TANGO6: variants seen among roughly 807,000 people sequenced by gnomAD.
TANGO6 encodes the protein transport and Golgi organization protein 6 homolog.
A neutral mutation model predicts 114.2 loss-of-function variants in TANGO6; 90 were observed. That is an observed-to-expected ratio of 0.79 (90% CI 0.66 to 0.94). TANGO6 has a LOEUF of 0.94. Among genes scored for constraint, TANGO6 ranks in the 40% least tolerant of loss-of-function variants. TANGO6 has a pLI of 0.00. For synonymous variants in TANGO6, 477 were observed against 509.8 expected, an observed-to-expected ratio of 0.94 and a Z score of 0.87; for missense variants, 1,274 against 1,315.3, an observed-to-expected ratio of 0.97 and a Z score of 0.49.
chr16:68,867,677 T>G (rs2152162303), intron 4 of TANGO6: 1 of 152,424 alleles, frequency 6.6e-6, no homozygotes, highest in East Asian at 2.0e-4. Flanking sequence ...CCGTCTCTAC[T>G]AAAATACAAA....
intron 7 of TANGO6, among the ~76,000 whole-genome samples, chr16:68,884,358 T>C (rs974279768): frequency 2.6e-5 from 4 of 152,196 alleles, no homozygotes; most frequent in African/African-American, 9.7e-5. Flanking sequence ...ATGGTGACTA[T>C]GTGAATATAA....
At position 69,079,092 on chromosome 16, in the gene TANGO6, A is replaced by G. The variant is rs189559438; in HGVS notation, c.3109-4393A>G. 5.2e-3 allele frequency among the ~76,000 whole-genome samples: 783 copies of G among 151,446 alleles called. 45 individuals carry two copies. The highest frequency in any genetic ancestry group is 0.045 in the Admixed American group (678 of 15,200). ...TGTAATCCCAGCACTTTGGGAGGCCAAGGTGGGCGGATCACCTGAGGTCAG... is the reference window on the plus strand; with the variant it reads ...TGTAATCCCAGCACTTTGGGAGGCCGAGGTGGGCGGATCACCTGAGGTCAG... On this transcript the variant is annotated intron_variant, in intron 17 of 17. Transcript: ENST00000261778.
In TANGO6 at chr16:69,008,373, C is replaced by T. The variant is rs373869375; in HGVS notation, c.2843-14455C>T. 3.2e-4 allele frequency among the ~76,000 whole-genome samples: 48 copies of T among 152,288 alleles called. No homozygotes were observed. The South Asian group carries it at 9.7e-3, about 31-fold the overall frequency. Reference sequence around the variant, plus strand: ...TCATATGTAAGAAGGCTTTGTCTAACTTAAAGTCACAAAGATTTACTCCTG... The same window carrying T: ...TCATATGTAAGAAGGCTTTGTCTAATTTAAAGTCACAAAGATTTACTCCTG... On this transcript the variant is annotated intron_variant, in intron 15 of 17. Transcript: ENST00000261778.
chr16:69,073,125 T>C (rs1411990136), intron 17 of TANGO6, among the ~76,000 whole-genome samples: 5 of 152,130 alleles, frequency 3.3e-5, no homozygotes, highest in South Asian at 4.2e-4. Flanking sequence ...CTATAATCCA[T>C]TGGAGAGAGT....
intron 16 of TANGO6, among the ~76,000 whole-genome samples, chr16:69,029,316 G>A (rs1959555722): frequency 6.6e-6 from 1 of 152,180 alleles, no homozygotes; most frequent in Non-Finnish European, 1.5e-5. Context: ...TTGAGCAAAT[G>A]ACTTTGGGCT....
chr16:68,891,818 G>A (rs781150171), intron 7 of TANGO6, among the ~76,000 whole-genome samples: 15 of 150,054 alleles, frequency 1.0e-4, no homozygotes, highest in Non-Finnish European at 1.9e-4. Flanking sequence ...AGGGAAGGAC[G>A]GAGGGGAGGA....
At chr16:68,882,922 G>A (rs565016542) in intron 7 of TANGO6, among the ~76,000 whole-genome samples, 7 of 152,130 alleles carry the variant, frequency 4.6e-5, no homozygotes, top group Non-Finnish European at 1.0e-4. Flanking sequence ...GGAGGCTGAG[G>A]CAGGAGAATC....
chr16:68,911,605 C>T (rs1165916730), intron 11 of TANGO6, among the ~76,000 whole-genome samples: 5 of 152,050 alleles, frequency 3.3e-5, no homozygotes, highest in East Asian at 1.9e-4. Flanking sequence ...TTAGTAGAGA[C>T]GGGGTTTCGC....
At chr16:69,030,698 G>A (rs564969092) in intron 16 of TANGO6, among the ~76,000 whole-genome samples, 2 of 152,088 alleles carry the variant, frequency 1.3e-5, no homozygotes, top group South Asian at 4.2e-4. Flanking sequence ...CCTACCATGG[G>A]TGCTGACACA....
intron 16 of TANGO6, among the ~76,000 whole-genome samples, chr16:69,028,274 T>A (rs1260982233): frequency 6.6e-6 from 1 of 152,198 alleles, no homozygotes; most frequent in East Asian, 1.9e-4. Context: ...CAAATATTAT[T>A]ATTTTTAAAT....
At chr16:68,882,380 C>A (rs1962475088) in intron 7 of TANGO6, among the ~76,000 whole-genome samples, 1 of 151,844 alleles carries the variant, frequency 6.6e-6, no homozygotes, top group Non-Finnish European at 1.5e-5. Context: ...ACCTGTAGTC[C>A]CAGCTACTCG....
At chr16:68,970,909 G>A (rs1325258887) in intron 14 of TANGO6, among the ~76,000 whole-genome samples, 1 of 152,118 alleles carries the variant, frequency 6.6e-6, no homozygotes, top group Non-Finnish European at 1.5e-5. Flanking sequence ...TGTAATCCCA[G>A]CACTTTGGGA....
At chr16:68,895,241 C>G (rs993563381) in intron 7 of TANGO6, among the ~76,000 whole-genome samples, 1 of 152,036 alleles carries the variant, frequency 6.6e-6, no homozygotes, top group Admixed American at 6.6e-5. Flanking sequence ...CTCAGCTACT[C>G]GGGAGGCTGA....
At chr16:69,050,233 A>T (rs1193727364) in intron 17 of TANGO6, among the ~76,000 whole-genome samples, 1 of 152,136 alleles carries the variant, frequency 6.6e-6, no homozygotes, top group Non-Finnish European at 1.5e-5. Context: ...ATCCTCACGA[A>T]CACTTGTTAT....
chr16:68,961,950 C>T lies in TANGO6; in HGVS notation c.2702-12078C>T, dbSNP rs754316926. Among the ~76,000 whole-genome samples, 8 of 152,150 alleles carry T rather than the reference C, an allele frequency of 5.3e-5. No individual in the cohort carries two copies. In the East Asian group the frequency reaches 7.7e-4, roughly 15 times the overall value. ...TAGCAGGATGCTTCGGTAGCTCTTT[C>T]GTCTAACCCTGTTTTTTCCTCAGGC... On this transcript the variant is annotated intron_variant, in intron 14 of 17. Coordinates refer to ENST00000261778, the MANE Select transcript of TANGO6 (RefSeq NM_024562.2).
intron 14 of TANGO6, among the ~76,000 whole-genome samples, chr16:68,933,004 G>A (rs1329269869): frequency 1.3e-5 from 2 of 152,170 alleles, no homozygotes; most frequent in South Asian, 2.1e-4. Context: ...ATATTTTAGT[G>A]TTGTTATCAT....
intron 17 of TANGO6, among the ~76,000 whole-genome samples, chr16:69,068,581 C>G (rs901386061): frequency 6.6e-6 from 1 of 152,196 alleles, no homozygotes; most frequent in African/African-American, 2.4e-5. Context: ...ATGTTAGGCT[C>G]TCTTCCAGGC....
chr16:68,992,159 A>G (rs1038178627), intron 15 of TANGO6, among the ~76,000 whole-genome samples: 3 of 152,234 alleles, frequency 2.0e-5, no homozygotes, highest in African/African-American at 7.2e-5. Flanking sequence ...TTAGTCTTCT[A>G]GTAGGGTTGC....
At chr16:69,043,283 A>AGTGTGT (rs57443398) in intron 17 of TANGO6, among the ~76,000 whole-genome samples, 1,694 of 146,740 alleles carry the variant, frequency 0.012, 18 homozygotes, top group Non-Finnish European at 0.015. Context: ...AGACAGAGCG[A>AGTGTGT]GTGTGTGTGT....
Sources: gnomAD v4.1 joint callset for allele counts (sites outside exome capture counted in the v4.1 genomes callset) on GRCh38, gnomAD v4.1.1 for gene constraint, MANE v1.5 for transcripts, NCBI Gene and HGNC (gene_info 2026-07-23, HGNC 2026-07-21) for gene names.